The following OSBPL6 variants were observed in gnomAD, a reference collection of about 807,000 sequenced individuals.
The protein encoded by OSBPL6 is oxysterol-binding protein-related protein 6.
OSBPL6 carries 49 observed loss-of-function variants against 125.8 expected under a neutral mutation model. The observed-to-expected ratio is 0.39, with a 90% CI of 0.31 to 0.49. The LOEUF is 0.49. OSBPL6 is among the 20% of genes least tolerant of loss of function. The probability of loss-of-function intolerance (pLI) is 0.88; values close to 1 mark genes in which losing one functional copy is unlikely to be tolerated. For synonymous variants in OSBPL6, 394 were observed against 391.8 expected (o/e 1.01, Z -0.07); for missense variants, 986 against 1,135.4 (o/e 0.87, Z 1.89).
chr2:178,212,785 C>T (rs1278016269), intron 1 of OSBPL6, among the ~76,000 whole-genome samples: 3 of 151,688 alleles, frequency 2.0e-5, no homozygotes, highest in Non-Finnish European at 4.4e-5. Flanking sequence ...ACGAGTGTGC[C>T]CTGTGTGAAC....
chr2:178,249,827 G>GTTTTTT (rs34986231), intron 1 of OSBPL6, among the ~76,000 whole-genome samples: 6 of 119,500 alleles, frequency 5.0e-5, no homozygotes, highest in African/African-American at 1.9e-4. Flanking sequence ...AACTAGAAGT[G>GTTTTTT]TTTTTTTTTT....
chr2:178,234,243 CT>C, intron 1 of OSBPL6, among the ~76,000 whole-genome samples: 1 of 152,200 alleles, frequency 6.6e-6, no homozygotes, highest in South Asian at 2.1e-4. Context: ...GCAGTTGAAT[CT>C]GAATGAATAT....
At chr2:178,196,145 ACT>A (rs2088874445) in intron 1 of OSBPL6, among the ~76,000 whole-genome samples, 1 of 152,132 alleles carries the variant, frequency 6.6e-6, no homozygotes, top group African/African-American at 2.4e-5. Context: ...CCTCGCAGTA[ACT>A]CTGAGAGTTA....
At chr2:178,222,427 G>A (rs1009365009) in intron 1 of OSBPL6, among the ~76,000 whole-genome samples, 4 of 152,144 alleles carry the variant, frequency 2.6e-5, no homozygotes, top group Non-Finnish European at 5.9e-5. Flanking sequence ...GGCGGATCAC[G>A]AGGTCAGGAG....
At chr2:178,326,908 C>T (rs1284251517) in intron 4 of OSBPL6, among the ~76,000 whole-genome samples, 1 of 151,864 alleles carries the variant, frequency 6.6e-6, no homozygotes, top group African/African-American at 2.4e-5. Context: ...CTCTTTTTCC[C>T]CCCCTTCTGG....
At chr2:178,374,427 AT>A (rs963516870) in intron 15 of OSBPL6, among the ~76,000 whole-genome samples, 4 of 152,214 alleles carry the variant, frequency 2.6e-5, no homozygotes, top group Admixed American at 2.6e-4. Context: ...CATATTAGAT[AT>A]TTTTGCTAGG....
At chr2:178,319,126 T>C (rs1688022794) in intron 3 of OSBPL6, among the ~76,000 whole-genome samples, 1 of 152,220 alleles carries the variant, frequency 6.6e-6, no homozygotes, top group Admixed American at 6.5e-5. Context: ...CTGCAAAATT[T>C]ATGTTCTTTT....
intron 1 of OSBPL6, among the ~76,000 whole-genome samples, chr2:178,257,544 C>T (rs1227148768): frequency 6.6e-6 from 1 of 152,134 alleles, no homozygotes; most frequent in Non-Finnish European, 1.5e-5. Context: ...TGAGTAATTA[C>T]AAATCCTCAT....
chr2:178,385,085 G>A (rs548088960), intron 18 of OSBPL6, among the ~76,000 whole-genome samples: 19 of 152,204 alleles, frequency 1.2e-4, no homozygotes, highest in Admixed American at 1.0e-3. Context: ...GGGCCTGTTG[G>A]GGGGTGGCGA....
rs139205096 is a variant in OSBPL6, at chr2:178,274,342, C to A, written c.-350-10585C>A. 6.0e-5 allele frequency among the ~76,000 whole-genome samples: 9 copies of A among 150,674 alleles called. No individual in the cohort carries two copies. The East Asian group carries it at 1.7e-3, about 29-fold the overall frequency. ...TTTTTTGCTCTGTGATTATCTCTTG[C>A]AAACTTGAGTCTTGGCTTTCAATAA... On this transcript the variant is annotated intron_variant, in intron 1 of 24. Coordinates refer to ENST00000190611, the MANE Select transcript of OSBPL6 (RefSeq NM_032523.4).
chr2:178,203,496 C>T (rs1038339924), intron 1 of OSBPL6, among the ~76,000 whole-genome samples: 2 of 152,180 alleles, frequency 1.3e-5, no homozygotes, highest in Admixed American at 6.5e-5. Flanking sequence ...TTCGAACATA[C>T]GGAATATAAT....
chr2:178,293,028 A>G (rs1207095018), intron 2 of OSBPL6, among the ~76,000 whole-genome samples: 2 of 152,064 alleles, frequency 1.3e-5, no homozygotes, highest in Non-Finnish European at 2.9e-5. Context: ...TGGCACTATA[A>G]GTAGTTAAAG....
At chr2:178,235,254 G>A (rs2090998940) in intron 1 of OSBPL6, among the ~76,000 whole-genome samples, 1 of 151,776 alleles carries the variant, frequency 6.6e-6, no homozygotes, top group Admixed American at 6.6e-5. Context: ...TTTGGTGGAG[G>A]GGTTGAGTTA....
intron 3 of OSBPL6, among the ~76,000 whole-genome samples, chr2:178,315,334 C>T (rs1209564375): frequency 2.0e-5 from 3 of 152,132 alleles, no homozygotes; most frequent in African/African-American, 4.8e-5. Context: ...AAATTGAGAC[C>T]ACTAGAAAGA....
intron 6 of OSBPL6, 130 bp from the exon 7 acceptor site, chr2:178,332,508 TTTG>T (rs930985381): frequency 4.0e-5 from 26 of 648,846 alleles, no homozygotes; most frequent in Non-Finnish European, 6.5e-5. Context: ...CTATTTTCTG[TTTG>T]TTAAGGAGGT....
chr2:178,355,160 C>T (rs1239838806), intron 12 of OSBPL6, among the ~76,000 whole-genome samples: 1 of 152,132 alleles, frequency 6.6e-6, no homozygotes, highest in African/African-American at 2.4e-5. Flanking sequence ...AACACCCTAA[C>T]ATCACAATTA....
intron 18 of OSBPL6, among the ~76,000 whole-genome samples, chr2:178,385,091 G>A (rs1193999332): frequency 6.6e-6 from 1 of 152,106 alleles, no homozygotes; most frequent in Non-Finnish European, 1.5e-5. Flanking sequence ...GTTGGGGGGT[G>A]GCGAGCAAGA....
At chr2:178,386,249 C>T (rs764807410) in intron 19 of OSBPL6, among the ~76,000 whole-genome samples, 2 of 152,118 alleles carry the variant, frequency 1.3e-5, no homozygotes, top group African/African-American at 4.8e-5. Flanking sequence ...TTGGTCATCA[C>T]CAAGAATCAG....
At chr2:178,237,786 A>G (rs1364555823) in intron 1 of OSBPL6, among the ~76,000 whole-genome samples, 1 of 152,102 alleles carries the variant, frequency 6.6e-6, no homozygotes, top group Non-Finnish European at 1.5e-5. Context: ...TGGAGGCACA[A>G]AGTTACTCCT....
Sources: gnomAD v4.1 joint callset for allele counts (sites outside exome capture counted in the v4.1 genomes callset) on GRCh38, gnomAD v4.1.1 for gene constraint, MANE v1.5 for transcripts, NCBI Gene and HGNC (gene_info 2026-07-23, HGNC 2026-07-21) for gene names.